Variants in DNM1L observed in about 807,000 individuals in gnomAD.
DNM1L encodes the protein dynamin-1-like protein.
DNM1L carries 33 observed loss-of-function variants against 92.8 expected under a neutral mutation model. The ratio of observed to expected loss-of-function variants is 0.36; its 90% confidence interval spans 0.27 to 0.48. The LOEUF (loss-of-function observed/expected upper bound fraction) is 0.48. Ranked by LOEUF, DNM1L falls within the 20% of genes least tolerant of loss-of-function variation. The pLI is 0.99. For missense variants in DNM1L, 485 were observed against 888.8 expected (o/e 0.55, Z 5.78); for synonymous variants, 284 against 305.0 (o/e 0.93, Z 0.72).
chr12:32,734,883 A>C (rs1319641180), intron 13 of DNM1L, among the ~76,000 whole-genome samples: 1 of 152,186 alleles, frequency 6.6e-6, no homozygotes, highest in African/African-American at 2.4e-5. Context: ...GGGCACTATT[A>C]TAGGAAGCAA....
At chr12:32,728,461 T>C (rs1161930695) in intron 9 of DNM1L, 1 of 152,196 alleles carries the variant, frequency 6.6e-6, no homozygotes, top group Non-Finnish European at 1.5e-5. Context: ...TTCTTATTGT[T>C]AGATATAATT....
rs373966803 is a variant in DNM1L, at chr12:32,728,392, T to C, written c.1080-2622T>C. On this transcript the variant is annotated intron_variant, in intron 9 of 19. Transcript: ENST00000549701. ...CCTTTGAAGAGTTTAGTGGGTAAAG[T>C]AGGTCAAGGTAATACTGGGCTTGAT... The C allele has an allele frequency of 3.9e-5, 6 of 152,328 alleles. 1 individual carries two copies. The highest frequency in any genetic ancestry group is 9.6e-5 in the African/African-American group (4 of 41,556). 9.4% of individuals were successfully genotyped at this position (152,328 alleles called of 1,614,324 possible). A position where few individuals can be genotyped will look rare whatever the true frequency, so the allele number is the denominator to read the frequency against.
chr12:32,703,480 G>T (rs974129306), intron 2 of DNM1L, among the ~76,000 whole-genome samples: 2 of 151,928 alleles, frequency 1.3e-5, no homozygotes, highest in South Asian at 2.1e-4. Context: ...AACAATTCTA[G>T]CATATCATAA....
In DNM1L at chr12:32,740,449, G is replaced by A. The variant is rs778646236; in HGVS notation, c.1925G>A (p.Arg642Gln). 5.0e-6 allele frequency: 8 copies of A among 1,614,058 alleles called. No individual in the cohort carries two copies. The highest frequency in any genetic ancestry group is 2.2e-5 in the East Asian group (1 of 44,884). ...CGAAAACTATCTGCTCGGGAACAGCGAGATTGTGAGGTTATTGAACGACTC... is the reference window on the plus strand; with the variant it reads ...CGAAAACTATCTGCTCGGGAACAGCAAGATTGTGAGGTTATTGAACGACTC... ...VARKLSAREQ[R>Q]DCEVIERLIK... Residue 642 changes from arginine to glutamine, a missense_variant, in exon 18 of 20, where the codon CGA (arginine) becomes CAA (glutamine). Physicochemically the swap from Arg to Gln is conservative, Grantham distance 43. Around this residue, in one of 11 missense-constraint regions of DNM1L, gnomAD observed 133 missense variants for 210.9 expected, o/e 0.63. Transcript: ENST00000549701.
intron 2 of DNM1L, among the ~76,000 whole-genome samples, chr12:32,704,164 G>A (rs772809946): frequency 6.6e-6 from 1 of 151,958 alleles, no homozygotes; most frequent in African/African-American, 2.4e-5. Flanking sequence ...AACAGTGTCA[G>A]TAGAAATTTG....
chr12:32,724,365 C>T (rs1308047541), intron 9 of DNM1L, among the ~76,000 whole-genome samples: 2 of 151,632 alleles, frequency 1.3e-5, no homozygotes, highest in South Asian at 2.1e-4. Flanking sequence ...ATTACGAGGT[C>T]GAGAGATCAA....
intron 6 of DNM1L, among the ~76,000 whole-genome samples, chr12:32,717,260 ATATATATAC>A (rs1475505828): frequency 8.8e-5 from 9 of 102,008 alleles, no homozygotes; most frequent in African/African-American, 3.2e-4. Context: ...TATATATAGT[ATATATATAC>A]TATATATTAT....
intron 15 of DNM1L, 64 bp downstream of exon 15, chr12:32,738,006 A>G (rs1955019823): frequency 2.0e-6 from 3 of 1,517,810 alleles, no homozygotes; most frequent in Admixed American, 1.7e-5. Context: ...AATCTTCTGG[A>G]AACAATACAC....
intron 3 of DNM1L, among the ~76,000 whole-genome samples, 195 bp from the exon 4 acceptor site, chr12:32,707,954 GAAAA>G (rs575612830): frequency 1.6e-5 from 2 of 126,112 alleles, no homozygotes; most frequent in East Asian, 4.5e-4. Flanking sequence ...CTCTCTCAAA[GAAAA>G]AAAAAAAGCC....
In DNM1L at chr12:32,679,971, G is replaced by A. The variant is rs144798446; in HGVS notation, c.102+506G>A. On this transcript the variant is annotated intron_variant, in intron 1 of 19. Coordinates refer to ENST00000549701, the MANE Select transcript of DNM1L (RefSeq NM_012062.5). ...GTTAGTTTTGGAATCGCTCTGTTGA[G>A]GCTGAGAGACGCTACGGTGCGTGAG... 580 of 985,572 alleles carry A rather than the reference G, an allele frequency of 5.9e-4. 8 individuals are homozygous for A. The African/African-American group carries it at 9.1e-3, about 15-fold the overall frequency. The allele number at this position is 985,572 out of a possible 1,614,324, so 61.1% of individuals were successfully genotyped here. A position where few individuals can be genotyped will look rare whatever the true frequency, so the allele number is the denominator to read the frequency against.
At chr12:32,696,390 A>ACACT (rs1056796234) in intron 1 of DNM1L, among the ~76,000 whole-genome samples, 4 of 146,494 alleles carry the variant, frequency 2.7e-5, no homozygotes, top group Admixed American at 6.7e-5. Flanking sequence ...ACAAACACAC[A>ACACT]CACACACACA....
chr12:32,689,378 G>T (rs1033143542), intron 1 of DNM1L, among the ~76,000 whole-genome samples: 1 of 151,894 alleles, frequency 6.6e-6, no homozygotes, highest in African/African-American at 2.4e-5. Flanking sequence ...TGTATTTTTA[G>T]TAGAGACAAG....
At chr12:32,738,397 T>C in intron 16 of DNM1L, 101 bp downstream of exon 16, 2 of 1,282,494 alleles carry the variant, frequency 1.6e-6, no homozygotes, top group Non-Finnish European at 2.3e-6. Context: ...GTGGTATCTA[T>C]CTCTTGTCTG....
At chr12:32,688,058 G>T (rs1286916153) in intron 1 of DNM1L, among the ~76,000 whole-genome samples, 1 of 152,152 alleles carries the variant, frequency 6.6e-6, no homozygotes, top group Non-Finnish European at 1.5e-5. Flanking sequence ...GCAAGTAGCT[G>T]AGATTACAGG....
intron 9 of DNM1L, chr12:32,726,383 C>T (rs1240312091): frequency 1.9e-6 from 3 of 1,576,404 alleles, no homozygotes; most frequent in East Asian, 2.2e-5. Context: ...TCCTGCTTCA[C>T]TGCTGCTTGC....
At chr12:32,690,729 AATGGTAG>A (rs1952196139) in intron 1 of DNM1L, among the ~76,000 whole-genome samples, 1 of 152,176 alleles carries the variant, frequency 6.6e-6, no homozygotes, top group African/African-American at 2.4e-5. Context: ...AATCACTTGG[AATGGTAG>A]TAGCAATGTA....
At chr12:32,679,536 C>A in intron 1 of DNM1L, 71 bp downstream of exon 1, 1 of 1,458,642 alleles carries the variant, frequency 6.9e-7, no homozygotes, top group Non-Finnish European at 9.3e-7. Flanking sequence ...GCGGCAGTGC[C>A]CACTCCCGCG....
At chr12:32,728,220 T>G (rs1954281022) in intron 9 of DNM1L, 1 of 151,846 alleles carries the variant, frequency 6.6e-6, no homozygotes, top group African/African-American at 2.4e-5. Context: ...ATACGTGAAT[T>G]TGTGTGTGTG....
intron 7 of DNM1L, among the ~76,000 whole-genome samples, chr12:32,720,286 C>G (rs1265593502): frequency 1.3e-5 from 2 of 152,144 alleles, no homozygotes; most frequent in Non-Finnish European, 2.9e-5. Flanking sequence ...AATTAGTTCC[C>G]TGTCCATGGA....
Sources: allele counts gnomAD v4.1 joint callset (sites outside exome capture counted in the v4.1 genomes callset), GRCh38; gene constraint gnomAD v4.1.1; regional missense constraint gnomAD v4.1.1; transcripts MANE v1.5; gene names NCBI Gene and HGNC (gene_info 2026-07-23, HGNC 2026-07-21).